The following REXO1 variants were observed in gnomAD, a reference collection of about 807,000 sequenced individuals.
The protein encoded by REXO1 is RNA exonuclease 1 homolog.
A neutral mutation model predicts 102.6 loss-of-function variants in REXO1; 42 were observed. That is an observed-to-expected ratio of 0.41 (90% CI 0.32 to 0.53). REXO1 has a LOEUF of 0.53. Among genes scored for constraint, REXO1 ranks in the 20% least tolerant of loss-of-function variants. The pLI, the probability that REXO1 is intolerant of heterozygous loss-of-function variation, is 0.27. For synonymous variants in REXO1, 908 were observed against 779.1 expected (o/e 1.17, Z -2.76); for missense variants, 1,819 against 1,732.5 (o/e 1.05, Z -0.89).
At chr19:1,822,614 G>C (rs1196093655) in intron 4 of REXO1, 5 of 152,404 alleles carry the variant, frequency 3.3e-5, no homozygotes, top group Admixed American at 3.3e-4. Flanking sequence ...AGGACAACCC[G>C]AGCGCGGAGA....
At chr19:1,820,539 A>C in intron 5 of REXO1, 144 bp from the exon 6 acceptor site, 1 of 923,614 alleles carries the variant, frequency 1.1e-6, no homozygotes, top group Non-Finnish European at 1.6e-6. Flanking sequence ...GTAGGGACAG[A>C]CACGCCAAGG....
At position 1,820,320 on chromosome 19, in the gene REXO1, G is replaced by A. The variant is rs1446344058; in HGVS notation, c.2470C>T (p.Leu824=). The change falls in exon 6 of 16, where the codon CTG becomes TTG. Residue 824 remains leucine (L), a synonymous_variant. Transcript: ENST00000170168. ...AACTTGAGACACTCCTCGATGAACA[G>A]GTTGAGATAGCGCTGGCGGATGACG... is the stretch of plus-strand genomic sequence containing the variant. ...PTVIRQRYLN[L]FIEECLKFCT... 6.2e-7 allele frequency: 1 copy of A among 1,613,988 alleles called. No homozygotes were observed. The highest frequency in any genetic ancestry group is 8.5e-7 in the Non-Finnish European group (1 of 1,180,004).
Position 1,815,637 on chromosome 19 carries a change from TA to T in REXO1, c.*428del. ...GCTGTGCAAGTCATCAGGTTTAAAT[TA>T]AAAATAATAAAAATAACAATACAAA... On this transcript the variant is annotated 3_prime_UTR_variant, in exon 16 of 16. Coordinates refer to ENST00000170168, the MANE Select transcript of REXO1 (RefSeq NM_020695.4). This position sits in a 1 kb window ranked among gnomAD's most constrained non-coding sequence, Gnocchi z 4.0. The T allele has an allele frequency of 8.7e-7, 1 of 1,145,606 alleles. No individual in the cohort carries two copies. The highest frequency in any genetic ancestry group is 1.1e-6 in the Non-Finnish European group (1 of 909,528). The allele number at this position is 1,145,606 out of a possible 1,614,324, so 71.0% of individuals were successfully genotyped here.
In REXO1 at chr19:1,818,112, C is replaced by T. The variant is rs116451448; in HGVS notation, c.3017-332G>A. Among the ~76,000 whole-genome samples the T allele has an allele frequency of 4.4e-3, 671 of 152,248 alleles. 4 individuals are homozygous for T. Among genetic ancestry groups the T allele is most frequent in the African/African-American group, 0.015 (629 of 41,544 alleles). On this transcript the variant is annotated intron_variant, in intron 10 of 15. Coordinates refer to ENST00000170168, the MANE Select transcript of REXO1 (RefSeq NM_020695.4). ...TGGCCATGTGCCCTGAGCGTGGCTG[C>T]GTGGTTGCCTGGGGGATTGAATAGA... is the stretch of plus-strand genomic sequence containing the variant.
intron 5 of REXO1, among the ~76,000 whole-genome samples, chr19:1,821,060 C>T (rs565068594): frequency 9.4e-4 from 141 of 149,302 alleles, no homozygotes; most frequent in African/African-American, 3.3e-3. Flanking sequence ...AAAACACCGC[C>T]AGGGCGGTCG....
chr19:1,830,772 C>A, intron 1 of REXO1: 1 of 207,350 alleles, frequency 4.8e-6, no homozygotes, highest in South Asian at 4.5e-5. Flanking sequence ...TCCCATGCAG[C>A]TTCAACACCA....
rs758552081 is a variant in REXO1, at chr19:1,819,140, A to C, written c.2651-9T>G. The C allele has an allele frequency of 1.3e-6, 2 of 1,555,850 alleles. No individual in the cohort carries two copies. Among genetic ancestry groups the C allele is most frequent in the Admixed American group, 1.9e-5 (1 of 53,634 alleles). On this transcript the variant is annotated splice_polypyrimidine_tract_variant and intron_variant, in intron 7 of 15. Coordinates refer to ENST00000170168, the MANE Select transcript of REXO1 (RefSeq NM_020695.4). The stretch of plus-strand genomic sequence containing the variant: ...CCTGCGGCCACTGGTTTCTGGAAGG[A>C]AGGGAGGGAGGGGAGGAGGGTGTGA...
At position 1,826,924 on chromosome 19, in the gene REXO1, T is replaced by A; in HGVS notation, c.1865A>T (p.Glu622Val). The change falls in exon 2 of 16, where the codon GAG becomes GTG. Residue 622 changes from glutamate to valine, a missense_variant. By Grantham distance (121) the Glu-to-Val change is moderately radical. Coordinates refer to ENST00000170168, the MANE Select transcript of REXO1 (RefSeq NM_020695.4). This position sits in a 1 kb window ranked among gnomAD's most constrained non-coding sequence, Gnocchi z 4.3. ...GTCCTCCGTCTTGACGCTGGTGGAC[T>A]CGTTGAAGATCCGCAGGCACTCCTC... ...PMEECLRIFN[E>V]STSVKTEDRG... 1 of 1,583,650 alleles carries A rather than the reference T, an allele frequency of 6.3e-7. No individual in the cohort carries two copies. The highest frequency in any genetic ancestry group is 8.6e-7 in the Non-Finnish European group (1 of 1,165,788).
At chr19:1,834,121 C>T (rs1390781940) in intron 1 of REXO1, among the ~76,000 whole-genome samples, 2 of 152,134 alleles carry the variant, frequency 1.3e-5, no homozygotes, top group Non-Finnish European at 2.9e-5. Flanking sequence ...GACCCCAGGG[C>T]TCTAAGACAC....
chr19:1,820,147 A>C, intron 6 of REXO1, 90 bp from the exon 7 acceptor site: 2 of 1,563,972 alleles, frequency 1.3e-6, no homozygotes, highest in South Asian at 1.2e-5. Context: ...GGGGACTTGC[A>C]TCTCTCCCAG....
chr19:1,827,093 G>A lies in REXO1; in HGVS notation c.1696C>T (p.Pro566Ser), dbSNP rs1265935955. Reference sequence around the variant, plus strand: ...GGGGAGGCCTTGAGCCGCTTGGGCGGCCCCTGCGCCTCCGGGAAGCCCAGG... The same window carrying A: ...GGGGAGGCCTTGAGCCGCTTGGGCGACCCCTGCGCCTCCGGGAAGCCCAGG... ...SSLGFPEAQG[P>S]PKRLKASPPP... The change falls in exon 2 of 16, where the codon CCG (proline) becomes TCG (serine). Residue 566 changes from proline to serine, a missense_variant. By Grantham distance (74) the Pro-to-Ser change is moderately conservative. Coordinates refer to ENST00000170168, the MANE Select transcript of REXO1 (RefSeq NM_020695.4). 1 of 1,541,126 alleles carries A rather than the reference G, an allele frequency of 6.5e-7. No individual in the cohort carries two copies. Among genetic ancestry groups the A allele is most frequent in the Admixed American group, 2.0e-5 (1 of 50,812 alleles).
chr19:1,825,787 T>TA (rs59277540), intron 3 of REXO1, 52 bp downstream of exon 3: 263,301 of 988,274 alleles, frequency 0.27, 11,953 homozygotes, highest in Non-Finnish European at 0.29. Context: ...ACCTCGTCTT[T>TA]AAAAAAAAAA....
chr19:1,816,366 C>T, intron 14 of REXO1, 21 bp from the exon 15 acceptor site: 4 of 1,590,592 alleles, frequency 2.5e-6, no homozygotes, highest in Non-Finnish European at 2.6e-6. Flanking sequence ...CGGCAGAGAT[C>T]AGCGCACGTG....
intron 10 of REXO1, among the ~76,000 whole-genome samples, chr19:1,818,204 A>C (rs1467744459): frequency 6.6e-6 from 1 of 152,184 alleles, no homozygotes; most frequent in Non-Finnish European, 1.5e-5. Context: ...ATTTCCATGG[A>C]CCAAGGGCAC....
At position 1,828,036 on chromosome 19, in the gene REXO1, C is replaced by T. The variant is rs1568699652; in HGVS notation, c.753G>A (p.Arg251=). ...GGGGCCGCTTGGCGGCCCGCTCATC[C>T]CGGGAGCTGGCCCTGCTGAGGTGCC... ...SARHLSRASS[R]DERAAKRPRG... Residue 251 remains arginine, a synonymous_variant, in exon 2 of 16, where the codon CGG becomes CGA. Coordinates refer to ENST00000170168, the MANE Select transcript of REXO1 (RefSeq NM_020695.4). 3 of 1,612,922 alleles carry T rather than the reference C, an allele frequency of 1.9e-6. No homozygotes were observed. The highest frequency in any genetic ancestry group is 2.5e-6 in the Non-Finnish European group (3 of 1,179,756).
Position 1,820,021 on chromosome 19 carries a change from G to T in REXO1, c.2563C>A (p.Pro855Thr), listed in dbSNP as rs1418283585. The change falls in exon 7 of 16, where the codon CCC becomes ACC. Residue 855 changes from proline (P) to threonine (T), a missense_variant. Transcript: ENST00000170168. ...NEEKVAYDRS[P>T]SKNIYLNVAV... ...ACATTCAGGTAGATGTTCTTGCTGGGGCTGCGGTCATAGGCCACCTTCTCC... is the reference window on the plus strand; with the variant it reads ...ACATTCAGGTAGATGTTCTTGCTGGTGCTGCGGTCATAGGCCACCTTCTCC... The T allele has an allele frequency of 5.0e-6, 8 of 1,603,734 alleles. No homozygotes were observed. The highest frequency in any genetic ancestry group is 1.4e-5 in the African/African-American group (1 of 74,070).
Position 1,848,196 on chromosome 19 carries a change from C to T in REXO1, c.157+6G>A, listed in dbSNP as rs2011646575. 6.6e-6 allele frequency: 8 copies of T among 1,210,446 alleles called. No individual in the cohort carries two copies. The East Asian group carries it at 2.3e-4, about 34-fold the overall frequency. The allele number at this position is 1,210,446 out of a possible 1,614,324, so 75.0% of individuals were successfully genotyped here. A position where few individuals can be genotyped will look rare whatever the true frequency, so the allele number is the denominator to read the frequency against. ...AGCCCAAGGCAAGCAGGCGGGCGGG[C>T]ATTACCTGCTGCGGGGGGCGCCTCT... On this transcript the variant is annotated splice_donor_region_variant and intron_variant, in intron 1 of 15. Transcript: ENST00000170168.
chr19:1,817,161 G>GC, intron 12 of REXO1, 58 bp downstream of exon 12: 1 of 901,948 alleles, frequency 1.1e-6, no homozygotes, highest in Non-Finnish European at 1.5e-6. Flanking sequence ...TGGGGCGGCC[G>GC]CACCAGGCCA....
intron 10 of REXO1, 141 bp downstream of exon 10, chr19:1,818,341 G>C: frequency 3.1e-6 from 2 of 648,226 alleles, no homozygotes; most frequent in East Asian, 5.5e-5. Flanking sequence ...CCCCGGCTCT[G>C]CCAAAGACGG....
Sources: allele counts gnomAD v4.1 joint callset (sites outside exome capture counted in the v4.1 genomes callset), GRCh38; gene constraint gnomAD v4.1.1; non-coding constraint Gnocchi (gnomAD v3.1); transcripts MANE v1.5; gene names NCBI Gene and HGNC (gene_info 2026-07-23, HGNC 2026-07-21).